LRP6: variants seen among roughly 807,000 people sequenced by gnomAD.
The protein encoded by LRP6 is LDL receptor related protein 6.
In LRP6, 43 loss-of-function variants were observed where a neutral mutation model predicts 184.1. The observed-to-expected ratio is 0.23, with a 90% confidence interval of 0.18 to 0.30. LRP6 has a LOEUF of 0.30. Among genes scored for constraint, LRP6 ranks in the 10% least tolerant of loss-of-function variants. The probability of loss-of-function intolerance (pLI) is 1.00; values close to 1 mark genes in which losing one functional copy is unlikely to be tolerated. For missense variants in LRP6, 1,571 were observed against 2,005.3 expected (o/e 0.78, Z 4.14); for synonymous variants, 719 against 684.9 (o/e 1.05, Z -0.78).
intron 1 of LRP6, 152 bp downstream of exon 1, chr12:12,266,529 G>A (rs983151799): frequency 5.4e-6 from 4 of 736,136 alleles, no homozygotes; most frequent in Admixed American, 2.4e-5. Context: ...CCCTGCTCCC[G>A]GGCCCCTTTC....
At chr12:12,175,854 T>C (rs866860801) in intron 7 of LRP6, among the ~76,000 whole-genome samples, 2 of 151,858 alleles carry the variant, frequency 1.3e-5, no homozygotes, top group Admixed American at 6.6e-5. Context: ...TAAATGGGTA[T>C]ATAACAAGAA....
Position 12,116,563 on chromosome 12 carries a change from T to A in LRP6, c.*4563A>T, listed in dbSNP as rs1949522201. On this transcript the variant is annotated 3_prime_UTR_variant, in exon 23 of 23. Coordinates refer to ENST00000261349, the MANE Select transcript of LRP6 (RefSeq NM_002336.3). ...TCTCTATCGCCCATCCTGCTTATATTTGACTGAAAAACACAACCACCAAAA... is the reference window on the plus strand; with the variant it reads ...TCTCTATCGCCCATCCTGCTTATATATGACTGAAAAACACAACCACCAAAA... 1 of 152,292 alleles carries A rather than the reference T, an allele frequency of 6.6e-6. No individual in the cohort carries two copies. Among genetic ancestry groups the A allele is most frequent in the Admixed American group, 6.5e-5 (1 of 15,298 alleles). The allele number at this position is 152,292 out of a possible 1,614,324, so 9.4% of individuals were successfully genotyped here.
intron 3 of LRP6, among the ~76,000 whole-genome samples, chr12:12,194,396 C>T (rs1001893555): frequency 6.6e-6 from 1 of 151,882 alleles, no homozygotes; most frequent in African/African-American, 2.4e-5. Flanking sequence ...GGTGAATCAC[C>T]CAGACGACTT....
chr12:12,145,339 G>GA (rs1949989128), intron 15 of LRP6, among the ~76,000 whole-genome samples: 2 of 151,818 alleles, frequency 1.3e-5, no homozygotes, highest in South Asian at 2.1e-4. Context: ...AAAAAAATGT[G>GA]AAAAAAAGAT....
intron 4 of LRP6, 45 bp downstream of exon 4, chr12:12,186,878 A>G (rs761167537): frequency 3.3e-6 from 5 of 1,523,650 alleles, no homozygotes; most frequent in Non-Finnish European, 4.6e-6. Flanking sequence ...TTAGAGTGCT[A>G]CAAAGCTGTT....
chr12:12,255,653 C>T lies in LRP6; in HGVS notation c.56-10998G>A, dbSNP rs188454837. On this transcript the variant is annotated intron_variant, in intron 1 of 22. Transcript: ENST00000261349. ...TGGTGCGATCTCATCTCACTGCAAC[C>T]TCCACCTCCCAGGTTCAAGCGATTC... is the stretch of plus-strand genomic sequence containing the variant. Among the ~76,000 whole-genome samples, 337 of 150,648 alleles carry T rather than the reference C, an allele frequency of 2.2e-3. 1 individual carries two copies. The highest frequency in any genetic ancestry group is 8.0e-3 in the African/African-American group (325 of 40,754).
At position 12,120,033 on chromosome 12, in the gene LRP6, ATATATATAT is replaced by A. The variant is rs1565519368; in HGVS notation, c.*1084_*1092del. 18 of 123,916 alleles carry A rather than the reference ATATATATAT, an allele frequency of 1.5e-4. No individual in the cohort carries two copies. The highest frequency in any genetic ancestry group is 3.1e-4 in the African/African-American group (10 of 32,462). 7.7% of individuals were successfully genotyped at this position (123,916 alleles called of 1,614,324 possible). On this transcript the variant is annotated 3_prime_UTR_variant, in exon 23 of 23. Coordinates refer to ENST00000261349, the MANE Select transcript of LRP6 (RefSeq NM_002336.3). Reference sequence around the variant, plus strand: ...TATATATATATATATATATATATATATATATATATAAATGATTTCGTACTGTGATATATG... The same window carrying A: ...TATATATATATATATATATATATATAAAATGATTTCGTACTGTGATATATG...
In LRP6 at chr12:12,158,813, G is replaced by C. The variant is rs1447056350; in HGVS notation, c.2791+16C>G. On this transcript the variant is annotated intron_variant, in intron 12 of 22. Transcript: ENST00000261349. ...TTCTCTCATTCTAGCTTGCTTTGGA[G>C]GGAAATGCAGCTTACCACTACAAGT... 1 of 1,612,402 alleles carries C rather than the reference G, an allele frequency of 6.2e-7. No individual in the cohort carries two copies. The highest frequency in any genetic ancestry group is 8.5e-7 in the Non-Finnish European group (1 of 1,178,616).
At chr12:12,175,335 G>A (rs1270010962) in intron 7 of LRP6, among the ~76,000 whole-genome samples, 1 of 152,072 alleles carries the variant, frequency 6.6e-6, no homozygotes, top group Admixed American at 6.5e-5. Context: ...GTTGCTGTGA[G>A]CCGAGATCAC....
Position 12,237,707 on chromosome 12 carries a change from G to A in LRP6, c.449+6555C>T, listed in dbSNP as rs150407295. Among the ~76,000 whole-genome samples, 3 of 152,274 alleles carry A rather than the reference G, an allele frequency of 2.0e-5. No homozygotes were observed. In the East Asian group the frequency reaches 5.8e-4, roughly 29 times the overall value. On this transcript the variant is annotated intron_variant, in intron 2 of 22. Transcript: ENST00000261349. ...ATCAAATCATGAGAAACAGCAAATA[G>A]AGCCAAACTGAGGAACGTTCTACAA...
intron 7 of LRP6, 81 bp downstream of exon 7, chr12:12,179,729 A>G (rs540564781): frequency 3.7e-5 from 55 of 1,468,160 alleles, no homozygotes; most frequent in Non-Finnish European, 4.8e-5. Flanking sequence ...AGAAAAAAGA[A>G]TATCTGTACT....
chr12:12,159,923 T>C lies in LRP6; in HGVS notation c.2321A>G (p.Asp774Gly). Residue 774 changes from aspartate (D) to glycine (G), a missense_variant, in exon 11 of 23, where the codon GAC becomes GGC. Asp to Gly is a moderately conservative substitution (Grantham distance 94). This residue lies in a region of LRP6 where 158 missense variants were observed against 258.4 expected (regional missense o/e 0.61). Coordinates refer to ENST00000261349, the MANE Select transcript of LRP6 (RefSeq NM_002336.3). ...WTEWGGKPKI[D>G]RAAMDGSERT... Reference sequence around the variant, plus strand: ...TTCACTTCCATCCATTGCAGCTCTGTCTATCTTAGGTTTTCCACCCCATTC... The same window carrying C: ...TTCACTTCCATCCATTGCAGCTCTGCCTATCTTAGGTTTTCCACCCCATTC... 1 of 1,613,972 alleles carries C rather than the reference T, an allele frequency of 6.2e-7. No individual in the cohort carries two copies. The highest frequency in any genetic ancestry group is 2.2e-5 in the East Asian group (1 of 44,874).
chr12:12,170,515 T>C (rs887629732), intron 7 of LRP6, among the ~76,000 whole-genome samples: 4 of 152,096 alleles, frequency 2.6e-5, no homozygotes, highest in African/African-American at 7.2e-5. Context: ...TAATTCAACC[T>C]AGGCACATTT....
chr12:12,266,855 CGA>C lies in LRP6; in HGVS notation c.-122_-121del. ...ACGCTCATACTTCCCAGCTTCCCAG[CGA>C]GAGAAGAAAGAAAGGGGCACGTCAA... On this transcript the variant is annotated 5_prime_UTR_variant, in exon 1 of 23. Coordinates refer to ENST00000261349, the MANE Select transcript of LRP6 (RefSeq NM_002336.3). 1.2e-6 allele frequency: 1 copy of C among 850,174 alleles called. No individual in the cohort carries two copies. The highest frequency in any genetic ancestry group is 1.4e-5 in the South Asian group (1 of 70,274). The allele number at this position is 850,174 out of a possible 1,614,324, so 52.7% of individuals were successfully genotyped here. A position where few individuals can be genotyped will look rare whatever the true frequency, so the allele number is the denominator to read the frequency against.
chr12:12,227,409 C>CTTTT (rs776157812), intron 2 of LRP6, among the ~76,000 whole-genome samples: 1 of 139,786 alleles, frequency 7.2e-6, no homozygotes, highest in African/African-American at 2.6e-5. Flanking sequence ...CTTTCTTTTC[C>CTTTT]TTTTTTTTTT....
rs139064231 is a variant in LRP6 at position 12,122,249 on chromosome 12, T to C, written c.4548-829A>G. Among the ~76,000 whole-genome samples the C allele has an allele frequency of 6.4e-3, 981 of 152,350 alleles. 9 individuals are homozygous for C. Among genetic ancestry groups the C allele is most frequent in the African/African-American group, 0.022 (920 of 41,578 alleles). On this transcript the variant is annotated intron_variant, in intron 22 of 22. Transcript: ENST00000261349. ...GAGAAACATACTAGTGAAAATAAGATCTGACCTAAGTTCTGGCTTTTCTGT... is the reference window on the plus strand; with the variant it reads ...GAGAAACATACTAGTGAAAATAAGACCTGACCTAAGTTCTGGCTTTTCTGT...
Position 12,265,976 on chromosome 12 carries a change from CCTA to C in LRP6, c.55+702_55+704del, listed in dbSNP as rs201434119. 8.4e-3 allele frequency among the ~76,000 whole-genome samples: 1,285 copies of C among 152,120 alleles called. 15 individuals are homozygous for C. The highest frequency in any genetic ancestry group is 0.01 in the Non-Finnish European group (711 of 67,926). ...TCCTCTTCACACGAGGATGAATTTC[CCTA>C]CTTAGTGCCAACTGTACACTTGCAT... On this transcript the variant is annotated intron_variant, in intron 1 of 22. Coordinates refer to ENST00000261349, the MANE Select transcript of LRP6 (RefSeq NM_002336.3).
intron 7 of LRP6, among the ~76,000 whole-genome samples, chr12:12,171,086 G>A (rs774210029): frequency 6.6e-6 from 1 of 151,288 alleles, no homozygotes; most frequent in Admixed American, 6.6e-5. Context: ...TTAAAACTAG[G>A]TAGTTCATGG....
At chr12:12,169,581 CA>C (rs2136961508) in intron 7 of LRP6, among the ~76,000 whole-genome samples, 1 of 152,188 alleles carries the variant, frequency 6.6e-6, no homozygotes, top group Non-Finnish European at 1.5e-5. Context: ...AGACCACGAT[CA>C]AAGTATTAAC....
Sources: gnomAD v4.1 joint callset for allele counts (sites outside exome capture counted in the v4.1 genomes callset) on GRCh38, gnomAD v4.1.1 for gene constraint, gnomAD v4.1.1 regional missense constraint, MANE v1.5 for transcripts, NCBI Gene and HGNC (gene_info 2026-07-23, HGNC 2026-07-21) for gene names.